The following ZNF600 variants were observed in gnomAD, a reference collection of about 807,000 sequenced individuals.
ZNF600 encodes zinc finger protein 600.
In ZNF600, 4 loss-of-function variants were observed where a neutral mutation model predicts 7.3. The ratio of observed to expected loss-of-function variants is 0.55; its 90% confidence interval spans 0.27 to 1.25. ZNF600 has a LOEUF of 1.25. ZNF600 is among the 50% of genes most tolerant of loss of function. ZNF600 has a pLI of 0.12. For missense variants in ZNF600, 911 were observed against 922.1 expected (o/e 0.99, Z 0.16); for synonymous variants, 290 against 308.9 (o/e 0.94, Z 0.64).
the ZNF600 span, among the ~76,000 whole-genome samples, chr19:52,833,304 T>C: frequency 6.6e-6 from 1 of 152,254 alleles, no homozygotes; most frequent in African/African-American, 2.4e-5. Flanking sequence ...CCTGTGTCCA[T>C]CCATGTCTAG....
rs755363219 is a variant in ZNF600 at position 52,765,963 on chromosome 19, G to GC, written c.1999dup (p.Ala667GlyfsTer16). On this transcript the variant is annotated frameshift_variant, in exon 4 of 4. Coordinates refer to ENST00000648973, the Ensembl canonical transcript of ZNF600. LOFTEE classifies it low-confidence loss of function (END_TRUNC). ...TGCAGTGTGAATTCTGGTATGTCTT[G>GC]CCAGGTATGAATTACGCACGAAAGC... 5.6e-6 allele frequency: 9 copies of GC among 1,614,058 alleles called. No individual in the cohort carries two copies. Among genetic ancestry groups the GC allele is most frequent in the Non-Finnish European group, 7.6e-6 (9 of 1,179,994 alleles).
At chr19:52,825,317 T>C in the ZNF600 span, among the ~76,000 whole-genome samples, 41 of 152,148 alleles carry the variant, frequency 2.7e-4, no homozygotes, top group Non-Finnish European at 5.9e-5. Context: ...AACAGTAAGC[T>C]ATCTTGCTTC....
At chr19:52,821,360 T>C in the ZNF600 span, among the ~76,000 whole-genome samples, 584 of 151,074 alleles carry the variant, frequency 3.9e-3, 3 homozygotes, top group African/African-American at 0.012. Flanking sequence ...AGATAGGAAG[T>C]GTATACATTG....
At chr19:52,768,297 G>A (rs1444631464) in intron 3 of ZNF600, among the ~76,000 whole-genome samples, 1 of 151,624 alleles carries the variant, frequency 6.6e-6, no homozygotes, top group East Asian at 1.9e-4. Context: ...AAATTAACCA[G>A]GTGTGCTGGC....
chr19:52,806,845 T>C, the ZNF600 span, among the ~76,000 whole-genome samples: 1 of 152,192 alleles, frequency 6.6e-6, no homozygotes. Context: ...GAGGCTGCAG[T>C]TAGCCAAGAT....
At chr19:52,765,966 A>G in exon 4 of ZNF600, 1 of 1,614,236 alleles carries the variant, frequency 6.2e-7, no homozygotes, top group Non-Finnish European at 8.5e-7. Flanking sequence ...ATGTCTTGCC[A>G]GGTATGAATT....
chr19:52,780,201 A>G (rs373415065), intron 1 of ZNF600, among the ~76,000 whole-genome samples: 38 of 152,166 alleles, frequency 2.5e-4, no homozygotes, highest in African/African-American at 7.5e-4. Context: ...ATAAAATTAA[A>G]CTCTGCGCCG....
At chr19:52,785,833 G>A (rs2062759034) in intron 1 of ZNF600, among the ~76,000 whole-genome samples, 1 of 151,908 alleles carries the variant, frequency 6.6e-6, no homozygotes, top group South Asian at 2.1e-4. Flanking sequence ...CCTCTTTGCT[G>A]CCCCTCTCCC....
At chr19:52,800,973 G>A in the ZNF600 span, 229 of 1,614,000 alleles carry the variant, frequency 1.4e-4, no homozygotes, top group Admixed American at 3.2e-3. Context: ...AGTATGAAGC[G>A]CCTTGTGAAG....
chr19:52,781,527 G>A (rs890856146), intron 1 of ZNF600, 63 bp from the exon 2 acceptor site: 1 of 152,188 alleles, frequency 6.6e-6, no homozygotes, highest in Non-Finnish European at 1.5e-5. Context: ...AGCACTTTGG[G>A]TAGTTGAGGC....
At chr19:52,822,049 T>G in the ZNF600 span, among the ~76,000 whole-genome samples, 2 of 151,346 alleles carry the variant, frequency 1.3e-5, no homozygotes, top group Admixed American at 1.3e-4. Flanking sequence ...TCCTTTTTAT[T>G]TACATTTTTT....
chr19:52,770,504 A>T (rs1206453827), intron 3 of ZNF600, among the ~76,000 whole-genome samples: 1 of 152,204 alleles, frequency 6.6e-6, no homozygotes, highest in Non-Finnish European at 1.5e-5. Flanking sequence ...TCACAACTAC[A>T]CTTATGTAAC....
exon 4 of ZNF600, chr19:52,766,051 G>A (rs780099345): frequency 2.5e-6 from 4 of 1,614,116 alleles, no homozygotes; most frequent in Non-Finnish European, 3.4e-6. Context: ...TGGTGAACAA[G>A]GGATGGCTTG....
At chr19:52,800,401 GGT>G in the ZNF600 span, 1 of 1,612,602 alleles carries the variant, frequency 6.2e-7, no homozygotes, top group Non-Finnish European at 8.5e-7. Context: ...TGTCTTTCAA[GGT>G]GTGATTTGCA....
the ZNF600 span, among the ~76,000 whole-genome samples, chr19:52,807,437 G>C: frequency 6.6e-6 from 1 of 152,186 alleles, no homozygotes; most frequent in Non-Finnish European, 1.5e-5. Flanking sequence ...GAAGCAAACA[G>C]GGAACTGGAT....
chr19:52,832,825 G>A, the ZNF600 span, among the ~76,000 whole-genome samples: 1 of 151,970 alleles, frequency 6.6e-6, no homozygotes, highest in South Asian at 2.1e-4. Context: ...AGGCTGGAGT[G>A]CAGTGGCACA....
chr19:52,793,920 C>A, the ZNF600 span, among the ~76,000 whole-genome samples: 1 of 152,112 alleles, frequency 6.6e-6, no homozygotes, highest in African/African-American at 2.4e-5. Flanking sequence ...TCCCATATTT[C>A]AAAAACATGC....
At position 52,767,379 on chromosome 19, in the gene ZNF600, C is replaced by CT; in HGVS notation, c.583dup (p.Arg195LysfsTer5). 6.2e-7 allele frequency: 1 copy of CT among 1,614,062 alleles called. No individual in the cohort carries two copies. Among genetic ancestry groups the CT allele is most frequent in the Non-Finnish European group, 8.5e-7 (1 of 1,180,000 alleles). ...ATGGATTTGGGGCCTAGGAGAAATT[C>CT]TTTGGGATGTTGAAACCGAGGGAGC... is the stretch of plus-strand genomic sequence containing the variant. On this transcript the variant is annotated frameshift_variant, in exon 4 of 4. Coordinates refer to ENST00000648973, the Ensembl canonical transcript of ZNF600. LOFTEE classifies it low-confidence loss of function (END_TRUNC).
At chr19:52,769,434 C>T in intron 3 of ZNF600, among the ~76,000 whole-genome samples, 1 of 152,200 alleles carries the variant, frequency 6.6e-6, no homozygotes. Context: ...CTCTCTCTCC[C>T]TCTCTCTGCC....
Sources: gnomAD v4.1 joint callset for allele counts (sites outside exome capture counted in the v4.1 genomes callset) on GRCh38, gnomAD v4.1.1 for gene constraint, MANE v1.5 for transcripts, NCBI Gene and HGNC (gene_info 2026-07-23, HGNC 2026-07-21) for gene names.